The following DPYD variants were observed in gnomAD, a reference collection of about 807,000 sequenced individuals.
The protein encoded by DPYD is dihydropyrimidine dehydrogenase, also known as dihydropyrimidine dehydrogenase [NADP(+)].
A neutral mutation model predicts 116.2 loss-of-function variants in DPYD; 109 were observed. The ratio of observed to expected loss-of-function variants is 0.94; its 90% CI spans 0.80 to 1.10. The LOEUF (loss-of-function observed/expected upper bound fraction) is 1.10. Ranked by LOEUF, DPYD falls within the 50% of genes least tolerant of loss-of-function variation. The pLI is 0.00. For missense variants in DPYD, 1,302 were observed against 1,254.5 expected, an observed-to-expected ratio of 1.04 and a Z score of -0.57; for synonymous variants, 440 against 432.0, an observed-to-expected ratio of 1.02 and a Z score of -0.23.
At chr1:97,108,494 A>G (rs916913544) in intron 20 of DPYD, among the ~76,000 whole-genome samples, 1 of 152,170 alleles carries the variant, frequency 6.6e-6, no homozygotes, top group African/African-American at 2.4e-5. Flanking sequence ...ACTTAACTAT[A>G]GAACATTCTG....
intron 5 of DPYD, among the ~76,000 whole-genome samples, chr1:97,719,534 C>T (rs1022530218): frequency 2.0e-5 from 3 of 151,878 alleles, no homozygotes; most frequent in African/African-American, 4.8e-5. Flanking sequence ...AACTTAAATA[C>T]TCATGTCAAT....
At chr1:97,347,183 C>T (rs1391733376) in intron 16 of DPYD, among the ~76,000 whole-genome samples, 2 of 151,662 alleles carry the variant, frequency 1.3e-5, no homozygotes, top group African/African-American at 2.4e-5. Flanking sequence ...ACAGCAGGCA[C>T]CCTTGTTTTA....
intron 3 of DPYD, among the ~76,000 whole-genome samples, chr1:97,796,707 A>T (rs1667588326): frequency 6.6e-6 from 1 of 152,126 alleles, no homozygotes; most frequent in Admixed American, 6.6e-5. Flanking sequence ...AGGAGTAGTG[A>T]TGTGAATTAT....
At chr1:97,400,861 A>G (rs1673333297) in intron 14 of DPYD, among the ~76,000 whole-genome samples, 1 of 152,052 alleles carries the variant, frequency 6.6e-6, no homozygotes, top group Non-Finnish European at 1.5e-5. Context: ...TAGTCTTGCT[A>G]GTGCTCTATC....
intron 2 of DPYD, among the ~76,000 whole-genome samples, chr1:97,867,489 C>A (rs1200092843): frequency 6.6e-6 from 1 of 151,742 alleles, no homozygotes; most frequent in Non-Finnish European, 1.5e-5. Context: ...ACTAACAAAC[C>A]AAACTCAACA....
At chr1:97,482,399 A>G (rs80250871) in intron 13 of DPYD, among the ~76,000 whole-genome samples, 12 of 152,236 alleles carry the variant, frequency 7.9e-5, no homozygotes, top group African/African-American at 2.2e-4. Flanking sequence ...CTACAATTCT[A>G]TAAGTATTGA....
At chr1:97,543,695 T>C (rs549030191) in intron 12 of DPYD, among the ~76,000 whole-genome samples, 1 of 126,110 alleles carries the variant, frequency 7.9e-6, no homozygotes, top group African/African-American at 2.8e-5. Context: ...AATGAACTTA[T>C]CATATAACAA....
chr1:97,628,309 T>C (rs1210781352), intron 8 of DPYD, among the ~76,000 whole-genome samples: 1 of 152,050 alleles, frequency 6.6e-6, no homozygotes, highest in Non-Finnish European at 1.5e-5. Flanking sequence ...TATACCTTGA[T>C]TTCAAGGCAA....
chr1:97,497,102 T>G (rs191846478), intron 13 of DPYD, among the ~76,000 whole-genome samples: 28 of 151,970 alleles, frequency 1.8e-4, no homozygotes, highest in Non-Finnish European at 3.5e-4. Context: ...AATGATAAAA[T>G]TACCAAGCAG....
At chr1:97,338,279 A>G (rs1669407641) in intron 16 of DPYD, among the ~76,000 whole-genome samples, 1 of 152,206 alleles carries the variant, frequency 6.6e-6, no homozygotes, top group African/African-American at 2.4e-5. Context: ...AACTGTGAAA[A>G]TGGATTCTAG....
intron 2 of DPYD, among the ~76,000 whole-genome samples, chr1:97,877,103 T>C (rs1365406598): frequency 6.6e-6 from 1 of 151,534 alleles, no homozygotes; most frequent in African/African-American, 2.4e-5. Context: ...CCTGGGAGAG[T>C]AGATTGAACC....
chr1:97,089,914 C>T (rs1022055434), intron 21 of DPYD, among the ~76,000 whole-genome samples: 2 of 150,670 alleles, frequency 1.3e-5, no homozygotes, highest in African/African-American at 4.9e-5. Flanking sequence ...TTCTCAAGGA[C>T]TCTCTAGTCC....
chr1:97,544,804 A>T (rs1000906964), intron 12 of DPYD, among the ~76,000 whole-genome samples: 1 of 152,154 alleles, frequency 6.6e-6, no homozygotes, highest in African/African-American at 2.4e-5. Flanking sequence ...AATATTTAGG[A>T]TAAGAACAAA....
chr1:97,146,878 A>G (rs1027675260), intron 20 of DPYD, among the ~76,000 whole-genome samples: 1 of 152,228 alleles, frequency 6.6e-6, no homozygotes, highest in Non-Finnish European at 1.5e-5. Context: ...GGAAAAATAA[A>G]CAAAGCTTCC....
chr1:97,468,247 A>C lies in DPYD; in HGVS notation c.1741-18024T>G, dbSNP rs116549533. Among the ~76,000 whole-genome samples the C allele has an allele frequency of 7.5e-3, 1,136 of 152,294 alleles. 18 individuals carry two copies. The highest frequency in any genetic ancestry group is 8.2e-3 in the Non-Finnish European group (558 of 68,022). ...TTTCATACTATTTTCAAATGTAACAAATCTTCTAATTTATTTCCAGCCATT... is the reference window on the plus strand; with the variant it reads ...TTTCATACTATTTTCAAATGTAACACATCTTCTAATTTATTTCCAGCCATT... On this transcript the variant is annotated intron_variant, in intron 13 of 22. Coordinates refer to ENST00000370192, the MANE Select transcript of DPYD (RefSeq NM_000110.4).
chr1:97,735,685 C>CATAAATAA (rs5776378), intron 4 of DPYD, among the ~76,000 whole-genome samples: 2,391 of 133,820 alleles, frequency 0.018, 49 homozygotes, highest in African/African-American at 0.049. Flanking sequence ...AAGACTCTGT[C>CATAAATAA]ATAAATAAAT....
At chr1:97,248,261 C>T (rs538589050) in intron 18 of DPYD, among the ~76,000 whole-genome samples, 80 of 152,264 alleles carry the variant, frequency 5.3e-4, no homozygotes, top group Admixed American at 1.0e-3. Flanking sequence ...GTGGGAGGAA[C>T]CCAGTGGGAG....
At chr1:97,588,318 T>G (rs76997178) in intron 10 of DPYD, among the ~76,000 whole-genome samples, 1,994 of 152,202 alleles carry the variant, frequency 0.013, 23 homozygotes, top group Middle Eastern at 0.024. Flanking sequence ...TATTGGAAAA[T>G]TGAATATGTA....
At chr1:97,742,033 G>A (rs1664297014) in intron 3 of DPYD, among the ~76,000 whole-genome samples, 1 of 152,238 alleles carries the variant, frequency 6.6e-6, no homozygotes. Flanking sequence ...CAAGGTAGGT[G>A]AACTAATGAA....
Sources: allele counts gnomAD v4.1 joint callset (sites outside exome capture counted in the v4.1 genomes callset), GRCh38; gene constraint gnomAD v4.1.1; transcripts MANE v1.5; gene names NCBI Gene and HGNC (gene_info 2026-07-23, HGNC 2026-07-21).